CABIN1: variants seen among roughly 807,000 people sequenced by gnomAD.
CABIN1 encodes calcineurin binding protein 1, also known as calcineurin-binding protein cabin-1.
Under a neutral mutation model 227.7 loss-of-function variants are expected in CABIN1, and 133 were observed. The observed-to-expected ratio is 0.58, with a 90% CI of 0.51 to 0.67. The LOEUF (loss-of-function observed/expected upper bound fraction) is 0.67. Among genes scored for constraint, CABIN1 ranks in the 30% least tolerant of loss-of-function variants. The pLI, the probability that CABIN1 is intolerant of heterozygous loss-of-function variation, is 0.00. For synonymous variants in CABIN1, 1,086 were observed against 1,155.1 expected (o/e 0.94, Z 1.21); for missense variants, 2,408 against 2,852.5 (o/e 0.84, Z 3.55).
chr22:24,029,180 C>G (rs926070892), intron 1 of CABIN1, among the ~76,000 whole-genome samples: 1 of 152,002 alleles, frequency 6.6e-6, no homozygotes, highest in Non-Finnish European at 1.5e-5. Flanking sequence ...ATGGTGAAAC[C>G]CTGTTTCTAC....
At position 24,070,999 on chromosome 22, in the gene CABIN1, C is replaced by T. The variant is rs1425184918; in HGVS notation, c.2432C>T (p.Ser811Phe). Reference protein sequence around the residue: ...DSSGSILKVSSSTTGLVRLTN... With the variant: ...DSSGSILKVSFSTTGLVRLTN... ...AGTGGTAGCATCCTGAAGGTATCAT[C>T]CTCCACCACTGGCCTTGTGCGGCTC... Residue 811 changes from serine to phenylalanine, a missense_variant, in exon 17 of 37, where the codon TCC (serine) becomes TTC (phenylalanine). Physicochemically the swap from Ser to Phe is radical, Grantham distance 155 (BLOSUM62 -2). Around this residue, in one of 3 missense-constraint regions of CABIN1, gnomAD observed 1,045 missense variants for 1,168.4 expected, o/e 0.89. Transcript: ENST00000263119. 1.2e-6 allele frequency: 2 copies of T among 1,614,234 alleles called. No homozygotes were observed. Among genetic ancestry groups the T allele is most frequent in the South Asian group, 1.1e-5 (1 of 91,092 alleles).
At chr22:24,072,587 G>A (rs1169897463) in intron 18 of CABIN1, 77 bp downstream of exon 18, 1 of 1,564,764 alleles carries the variant, frequency 6.4e-7, no homozygotes, top group East Asian at 2.2e-5. Flanking sequence ...CTAGGGTCCT[G>A]GACCTTATCC....
At position 24,015,028 on chromosome 22, in the gene CABIN1, C is replaced by T. The variant is rs567453900; in HGVS notation, c.-75+3661C>T. Among the ~76,000 whole-genome samples, 7 of 152,058 alleles carry T rather than the reference C, an allele frequency of 4.6e-5. No individual in the cohort carries two copies. In the East Asian group the frequency reaches 1.4e-3, roughly 30 times the overall value. ...CCTGTAATCCCAGCACTTTAGGAGG[C>T]TGAGGTGGGCAGATTGCCTGAGGTC... On this transcript the variant is annotated intron_variant, in intron 1 of 36. Coordinates refer to ENST00000263119, the MANE Select transcript of CABIN1 (RefSeq NM_012295.4).
At chr22:24,074,873 C>A (rs1372142015) in intron 18 of CABIN1, among the ~76,000 whole-genome samples, 1 of 152,142 alleles carries the variant, frequency 6.6e-6, no homozygotes, top group African/African-American at 2.4e-5. Context: ...ATGAATATGA[C>A]AAATTGGAAC....
chr22:24,065,094 C>T (rs1394383938), intron 15 of CABIN1, among the ~76,000 whole-genome samples: 5 of 150,220 alleles, frequency 3.3e-5, no homozygotes, highest in South Asian at 2.1e-4. Context: ...TAGGGGCGGC[C>T]GGGCAGAGGC....
intron 25 of CABIN1, 78 bp from the exon 26 acceptor site, chr22:24,097,936 A>AT: frequency 6.4e-7 from 1 of 1,558,756 alleles, no homozygotes; most frequent in Non-Finnish European, 8.8e-7. Context: ...TGGGAAGGGC[A>AT]TTCACCCTTA....
Position 24,166,993 on chromosome 22 carries a change from CG to C in CABIN1, c.5366del (p.Gly1789AlafsTer14). ...PLLPGRPARDRGPESRPTELS... is the reference protein window; with the variant it reads ...PLLPGRPARDXGPESRPTELS... ...GCTGCCAGGTCGCCCCGCAAGGGACCGGGGCCCCGAGAGCCGGCCCACTGAG... is the reference window on the plus strand; with the variant it reads ...GCTGCCAGGTCGCCCCGCAAGGGACCGGGCCCCGAGAGCCGGCCCACTGAG... On this transcript the variant is annotated frameshift_variant, in exon 32 of 37. Transcript: ENST00000263119. LOFTEE classifies it high-confidence loss of function. 1 of 1,571,048 alleles carries C rather than the reference CG, an allele frequency of 6.4e-7. No homozygotes were observed. The highest frequency in any genetic ancestry group is 1.9e-5 in the Admixed American group (1 of 53,346).
At chr22:24,031,992 G>A (rs2036533393) in intron 1 of CABIN1, among the ~76,000 whole-genome samples, 1 of 152,160 alleles carries the variant, frequency 6.6e-6, no homozygotes, top group Non-Finnish European at 1.5e-5. Context: ...GGTAAAATAT[G>A]GAAACAAAAT....
chr22:24,126,813 A>G (rs2043753718), intron 28 of CABIN1, among the ~76,000 whole-genome samples: 1 of 152,198 alleles, frequency 6.6e-6, no homozygotes, highest in South Asian at 2.1e-4. Flanking sequence ...AGCCTGGCCA[A>G]CATGGCAAAA....
At chr22:24,054,773 A>T (rs1569134504) in intron 8 of CABIN1, 100 bp from the exon 9 acceptor site, 14 of 1,457,698 alleles carry the variant, frequency 9.6e-6, no homozygotes, top group Non-Finnish European at 1.3e-5. Context: ...CAGCTCCAGG[A>T]GCAGCTCTGC....
chr22:24,134,703 C>T (rs2148202529), intron 29 of CABIN1, among the ~76,000 whole-genome samples: 1 of 152,332 alleles, frequency 6.6e-6, no homozygotes, highest in East Asian at 1.9e-4. Flanking sequence ...GCAGTGATGA[C>T]AGGGGTACAG....
intron 6 of CABIN1, 25 bp from the exon 7 acceptor site, chr22:24,049,066 C>T: frequency 6.2e-7 from 1 of 1,613,174 alleles, no homozygotes. Context: ...TCTCAGAAGT[C>T]ATAAACTGTC....
At chr22:24,053,429 G>A (rs1205270260) in intron 8 of CABIN1, among the ~76,000 whole-genome samples, 1 of 152,048 alleles carries the variant, frequency 6.6e-6, no homozygotes, top group Admixed American at 6.6e-5. Flanking sequence ...CCAGGCTGGA[G>A]TGCAGTGGTG....
intron 24 of CABIN1, among the ~76,000 whole-genome samples, chr22:24,092,968 G>A (rs886194961): frequency 1.3e-5 from 2 of 152,174 alleles, no homozygotes; most frequent in African/African-American, 4.8e-5. Flanking sequence ...CTGTAGTTTA[G>A]CAGGGCGTTT....
At chr22:24,138,283 A>T (rs2044539656) in intron 29 of CABIN1, among the ~76,000 whole-genome samples, 1 of 152,236 alleles carries the variant, frequency 6.6e-6, no homozygotes, top group Non-Finnish European at 1.5e-5. Context: ...AAGAGACAGC[A>T]TCGTGCTGTG....
intron 29 of CABIN1, among the ~76,000 whole-genome samples, chr22:24,159,714 C>T (rs1215737943): frequency 6.6e-6 from 1 of 152,150 alleles, no homozygotes; most frequent in Non-Finnish European, 1.5e-5. Flanking sequence ...GTGGGTGTGG[C>T]AGCAGGGGAC....
intron 1 of CABIN1, among the ~76,000 whole-genome samples, chr22:24,031,446 C>T (rs1369949725): frequency 6.6e-6 from 1 of 152,216 alleles, no homozygotes; most frequent in African/African-American, 2.4e-5. Flanking sequence ...TGAGACACAA[C>T]TCAGCCACAC....
Position 24,055,053 on chromosome 22 carries a change from C to A in CABIN1, c.987C>A (p.Thr329=), listed in dbSNP as rs1342504530. The part of the protein sequence containing the change: ...VNVIQPSTVS[T]NPAVAVAEPV... The stretch of plus-strand genomic sequence containing the variant: ...TGATCCAGCCAAGCACTGTCAGCAC[C>A]AACCCAGCTGTGGCTGTCGCCGAGC... The change falls in exon 9 of 37, where the codon ACC becomes ACA. Residue 329 remains threonine (T), a synonymous_variant. Coordinates refer to ENST00000263119, the MANE Select transcript of CABIN1 (RefSeq NM_012295.4). The A allele has an allele frequency of 6.2e-7, 1 of 1,614,154 alleles. No homozygotes were observed. Among genetic ancestry groups the A allele is most frequent in the African/African-American group, 1.3e-5 (1 of 74,960 alleles).
rs763516866 is a variant in CABIN1, at chr22:24,061,965, C to T, written c.1636C>T (p.Leu546Phe). 8 of 1,613,934 alleles carry T rather than the reference C, an allele frequency of 5.0e-6. No homozygotes were observed. In the Admixed American group the frequency reaches 8.3e-5, roughly 17 times the overall value. ...CCTGCAGGACATGATGCTGATGTCT[C>T]TCTCCTGCATGGAACTCCAGCTGGA... ...KHIKDMMLMS[L>F]SCMELQLDQW... Residue 546 changes from leucine (L) to phenylalanine (F), a missense_variant, in exon 13 of 37, where the codon CTC becomes TTC. By Grantham distance (22) the Leu-to-Phe change is conservative. Around this residue, in one of 3 missense-constraint regions of CABIN1, gnomAD observed 1,045 missense variants for 1,168.4 expected, o/e 0.89. Coordinates refer to ENST00000263119, the MANE Select transcript of CABIN1 (RefSeq NM_012295.4).
Sources: gnomAD v4.1 joint callset for allele counts (sites outside exome capture counted in the v4.1 genomes callset) on GRCh38, gnomAD v4.1.1 for gene constraint, gnomAD v4.1.1 regional missense constraint, MANE v1.5 for transcripts, NCBI Gene and HGNC (gene_info 2026-07-23, HGNC 2026-07-21) for gene names.